PPARGC1A: variants seen among roughly 807,000 people sequenced by gnomAD.
The protein encoded by PPARGC1A is PPARG coactivator 1 alpha.
In PPARGC1A, 25 loss-of-function variants were observed where a neutral mutation model predicts 88.7. That is an observed-to-expected ratio of 0.28 (90% CI 0.21 to 0.39). The LOEUF (loss-of-function observed/expected upper bound fraction) is 0.39. Among genes scored for constraint, PPARGC1A ranks in the 10% least tolerant of loss-of-function variants. The pLI is 1.00. For synonymous variants in PPARGC1A, 363 were observed against 355.6 expected, an observed-to-expected ratio of 1.02 and a Z score of -0.24; for missense variants, 880 against 968.7, an observed-to-expected ratio of 0.91 and a Z score of 1.22.
intron 2 of PPARGC1A, among the ~76,000 whole-genome samples, chr4:23,857,365 GTGTGTGTGAC>G (rs1479115994): frequency 1.9e-5 from 2 of 106,850 alleles, no homozygotes; most frequent in Non-Finnish European, 3.8e-5. Context: ...ATGTGCGTGT[GTGTGTGTGAC>G]ACACACACAC....
the PPARGC1A span, among the ~76,000 whole-genome samples, chr4:24,121,637 G>A: frequency 6.6e-6 from 1 of 152,128 alleles, no homozygotes; most frequent in African/African-American, 2.4e-5. Flanking sequence ...GAGGAATGCA[G>A]AGGAAACCAC....
the PPARGC1A span, among the ~76,000 whole-genome samples, chr4:24,315,816 T>C: frequency 2.0e-5 from 3 of 152,190 alleles, no homozygotes; most frequent in South Asian, 6.2e-4. Flanking sequence ...GAAACTCTTT[T>C]CTAAGGCTCG....
the PPARGC1A span, among the ~76,000 whole-genome samples, chr4:24,040,788 T>G: frequency 6.6e-6 from 1 of 152,210 alleles, no homozygotes; most frequent in Non-Finnish European, 1.5e-5. Flanking sequence ...TTTCTAACAT[T>G]TTAGCAAAAT....
chr4:24,338,368 C>G, the PPARGC1A span, among the ~76,000 whole-genome samples: 9 of 152,096 alleles, frequency 5.9e-5, no homozygotes, highest in African/African-American at 2.2e-4. Flanking sequence ...TAATCATTTC[C>G]TCAGAGCACA....
the PPARGC1A span, among the ~76,000 whole-genome samples, chr4:24,229,333 G>C: frequency 6.7e-6 from 1 of 150,052 alleles, no homozygotes; most frequent in South Asian, 2.2e-4. Flanking sequence ...ATTTTTAATA[G>C]AGACGGGGTT....
the PPARGC1A span, among the ~76,000 whole-genome samples, chr4:23,946,075 T>C: frequency 1.3e-5 from 2 of 152,184 alleles, no homozygotes; most frequent in South Asian, 4.1e-4. Context: ...ATCTTTAAGA[T>C]ACCATGGTCC....
At chr4:24,052,751 T>C in the PPARGC1A span, among the ~76,000 whole-genome samples, 5 of 152,208 alleles carry the variant, frequency 3.3e-5, no homozygotes, top group South Asian at 6.2e-4. Context: ...TTTCTCCCTG[T>C]CTTCTTTAAA....
the PPARGC1A span, among the ~76,000 whole-genome samples, chr4:24,330,175 TTC>T: frequency 6.6e-6 from 1 of 152,210 alleles, no homozygotes; most frequent in African/African-American, 2.4e-5. Flanking sequence ...TCTTTGACAT[TTC>T]TCTCATTGAG....
the PPARGC1A span, among the ~76,000 whole-genome samples, chr4:24,363,127 G>T: frequency 6.6e-6 from 1 of 152,100 alleles, no homozygotes; most frequent in Admixed American, 6.6e-5. Context: ...ATGACAATGT[G>T]ACCTTCAGTG....
intron 2 of PPARGC1A, among the ~76,000 whole-genome samples, chr4:23,849,769 C>T (rs1031573604): frequency 2.0e-5 from 3 of 151,628 alleles, no homozygotes; most frequent in African/African-American, 7.3e-5. Context: ...TTTGGCTTTA[C>T]TCATTTATTC....
chr4:24,077,241 C>A, the PPARGC1A span, among the ~76,000 whole-genome samples: 2 of 152,132 alleles, frequency 1.3e-5, no homozygotes, highest in Non-Finnish European at 2.9e-5. Context: ...GACCCCAGAT[C>A]TTCCTCTTGC....
the PPARGC1A span, among the ~76,000 whole-genome samples, chr4:24,083,640 T>A: frequency 6.6e-6 from 1 of 152,158 alleles, no homozygotes; most frequent in Non-Finnish European, 1.5e-5. Flanking sequence ...GCCAATGATA[T>A]GTGAACCTAA....
chr4:23,945,356 G>A, the PPARGC1A span, among the ~76,000 whole-genome samples: 1 of 152,114 alleles, frequency 6.6e-6, no homozygotes, highest in South Asian at 2.1e-4. Flanking sequence ...ATACACCCAA[G>A]CCACATAACC....
At chr4:24,280,853 C>T in the PPARGC1A span, among the ~76,000 whole-genome samples, 1 of 152,334 alleles carries the variant, frequency 6.6e-6, no homozygotes, top group African/African-American at 2.4e-5. Context: ...TTCTCAACAG[C>T]AACTTCTTGC....
At chr4:24,342,194 A>C in the PPARGC1A span, among the ~76,000 whole-genome samples, 4 of 152,082 alleles carry the variant, frequency 2.6e-5, no homozygotes, top group Non-Finnish European at 4.4e-5. Context: ...ATAAATACTT[A>C]TTGACTGAAC....
chr4:24,437,444 T>C, the PPARGC1A span, among the ~76,000 whole-genome samples: 5,340 of 152,192 alleles, frequency 0.035, 356 homozygotes, highest in African/African-American at 0.12. Context: ...ATAGGCTTGG[T>C]ATCCAAGATT....
At chr4:23,999,774 G>T in the PPARGC1A span, among the ~76,000 whole-genome samples, 1 of 152,142 alleles carries the variant, frequency 6.6e-6, no homozygotes, top group Admixed American at 6.6e-5. Context: ...GAAAGAAAAA[G>T]GCACTCTGTG....
At chr4:24,345,556 T>C in the PPARGC1A span, among the ~76,000 whole-genome samples, 2 of 152,138 alleles carry the variant, frequency 1.3e-5, no homozygotes, top group African/African-American at 4.8e-5. Flanking sequence ...GTAAAAGAAG[T>C]GAGTTCTTGA....
intron 1 of PPARGC1A, chr4:23,888,911 C>G: frequency 1.0e-6 from 1 of 981,710 alleles, no homozygotes; most frequent in Non-Finnish European, 1.2e-6. Flanking sequence ...CTGGGATCCT[C>G]CATGCAATTC....
Sources: gnomAD v4.1 joint callset for allele counts (sites outside exome capture counted in the v4.1 genomes callset) on GRCh38, gnomAD v4.1.1 for gene constraint, MANE v1.5 for transcripts, NCBI Gene and HGNC (gene_info 2026-07-23, HGNC 2026-07-21) for gene names.